Variants in PPP4R2 observed in about 807,000 individuals in gnomAD.
The protein encoded by PPP4R2 is protein phosphatase 4 regulatory subunit 2.
Under a neutral mutation model 47.2 loss-of-function variants are expected in PPP4R2, and 13 were observed. The observed-to-expected ratio is 0.28, with a 90% CI of 0.18 to 0.44. The LOEUF (loss-of-function observed/expected upper bound fraction) is 0.44. Ranked by LOEUF, PPP4R2 falls within the 20% of genes least tolerant of loss-of-function variation. The probability of loss-of-function intolerance (pLI) is 1.00; values close to 1 mark genes in which losing one functional copy is unlikely to be tolerated. For synonymous variants in PPP4R2, 151 were observed against 163.3 expected (o/e 0.92, Z 0.57); for missense variants, 421 against 491.2 (o/e 0.86, Z 1.35).
chr3:73,006,458 G>A (rs1471897095), intron 2 of PPP4R2, among the ~76,000 whole-genome samples: 1 of 152,052 alleles, frequency 6.6e-6, no homozygotes, highest in African/African-American at 2.4e-5. Flanking sequence ...CCAAAGTGCT[G>A]GGATTACAGG....
At chr3:73,023,091 A>G (rs6780186) in intron 2 of PPP4R2, among the ~76,000 whole-genome samples, 79,276 of 151,874 alleles carry the variant, frequency 0.52, 21,007 homozygotes, top group South Asian at 0.6. Flanking sequence ...GTGACTGTTT[A>G]AGAGATTTTG....
intron 3 of PPP4R2, among the ~76,000 whole-genome samples, chr3:73,050,013 T>C (rs549796236): frequency 6.6e-6 from 1 of 152,320 alleles, no homozygotes; most frequent in African/African-American, 2.4e-5. Context: ...CCATCTGGGC[T>C]CACTGCAACT....
At chr3:72,997,176 G>T (rs903110551) in intron 1 of PPP4R2, 105 bp downstream of exon 1, 12 of 922,274 alleles carry the variant, frequency 1.3e-5, no homozygotes, top group Non-Finnish European at 1.8e-5. Flanking sequence ...CGCGGCGTGG[G>T]GAGAGTGCTT....
At chr3:73,022,049 A>G (rs1006287090) in intron 2 of PPP4R2, among the ~76,000 whole-genome samples, 2 of 151,870 alleles carry the variant, frequency 1.3e-5, no homozygotes, top group Admixed American at 1.3e-4. Flanking sequence ...GGTGCCTGCC[A>G]CCACTTCTGG....
chr3:73,007,760 A>T (rs1260959042), intron 2 of PPP4R2, among the ~76,000 whole-genome samples: 2 of 152,218 alleles, frequency 1.3e-5, no homozygotes, highest in Non-Finnish European at 2.9e-5. Context: ...AAGTGCTGGG[A>T]TAACAGGTGT....
intron 2 of PPP4R2, among the ~76,000 whole-genome samples, chr3:73,002,396 T>C (rs1012660985): frequency 5.9e-5 from 9 of 151,954 alleles, no homozygotes; most frequent in African/African-American, 1.9e-4. Context: ...GACTTACAGA[T>C]AGGGTACATG....
intron 2 of PPP4R2, among the ~76,000 whole-genome samples, chr3:73,043,804 T>C (rs1702428097): frequency 2.0e-5 from 3 of 152,226 alleles, no homozygotes; most frequent in Admixed American, 1.3e-4. Context: ...GTGTACAATT[T>C]ATTGCCAGTA....
chr3:73,057,775 C>T (rs774238385), intron 3 of PPP4R2, among the ~76,000 whole-genome samples: 2 of 152,004 alleles, frequency 1.3e-5, no homozygotes, highest in South Asian at 4.1e-4. Context: ...ACGTGTGGTA[C>T]AATGGAAAGG....
intron 2 of PPP4R2, among the ~76,000 whole-genome samples, chr3:73,005,094 C>G (rs1701577338): frequency 6.6e-6 from 1 of 152,096 alleles, no homozygotes; most frequent in South Asian, 2.1e-4. Flanking sequence ...AGGTGCCCAC[C>G]ACTATGCCTG....
rs1255048579 is a variant in PPP4R2 at position 73,064,937 on chromosome 3, G to C, written c.724G>C (p.Gly242Arg). 4 of 1,613,832 alleles carry C rather than the reference G, an allele frequency of 2.5e-6. No homozygotes were observed. Among genetic ancestry groups the C allele is most frequent in the Non-Finnish European group, 3.4e-6 (4 of 1,179,798 alleles). ...HPDEDAVEAE[G>R]HEVKRLRFDK... ...AGATGAAGATGCTGTGGAAGCTGAG[G>C]GGCATGAGGTAAAAAGACTCAGGTT... The change falls in exon 8 of 9, where the codon GGG becomes CGG. Residue 242 changes from glycine to arginine, a missense_variant. Gly to Arg is a moderately radical substitution (Grantham distance 125). Coordinates refer to ENST00000356692, the MANE Select transcript of PPP4R2 (RefSeq NM_174907.4).
intron 3 of PPP4R2, 132 bp from the exon 4 acceptor site, chr3:73,058,905 C>T: frequency 8.5e-6 from 4 of 467,926 alleles, no homozygotes; most frequent in Non-Finnish European, 1.1e-5. Context: ...CATTTATTTC[C>T]CTATTATAGC....
Position 72,998,021 on chromosome 3 carries a change from G to GT in PPP4R2, c.35-51dup, listed in dbSNP as rs1262206523. Reference sequence around the variant, plus strand: ...AGGTAAAGGACTAGGAGGAAAGTTTGTTTTTAGAGCGCTTTTGAGAAAACT... The same window carrying GT: ...AGGTAAAGGACTAGGAGGAAAGTTTGTTTTTTAGAGCGCTTTTGAGAAAACT... On this transcript the variant is annotated intron_variant, in intron 1 of 8. Coordinates refer to ENST00000356692, the MANE Select transcript of PPP4R2 (RefSeq NM_174907.4). The GT allele has an allele frequency of 5.5e-6, 7 of 1,280,320 alleles. No individual in the cohort carries two copies. The Admixed American group carries it at 9.3e-5, about 17-fold the overall frequency. The allele number at this position is 1,280,320 out of a possible 1,614,324, so 79.3% of individuals were successfully genotyped here.
chr3:73,004,958 TGTGTGTGTGTGTGTGTGTG>T (rs1701572132), intron 2 of PPP4R2, among the ~76,000 whole-genome samples: 1 of 145,434 alleles, frequency 6.9e-6, no homozygotes, highest in African/African-American at 2.6e-5. Flanking sequence ...TGTGTGTGTG[TGTGTGTGTGTGTGTGTGTG>T]TGTGTGTGTG....
chr3:73,048,112 T>G (rs1432960423), intron 3 of PPP4R2, among the ~76,000 whole-genome samples: 1 of 152,196 alleles, frequency 6.6e-6, no homozygotes, highest in African/African-American at 2.4e-5. Context: ...CCTGACCTCA[T>G]GATCCGCCTG....
At chr3:73,020,885 C>G (rs994687684) in intron 2 of PPP4R2, among the ~76,000 whole-genome samples, 1 of 151,770 alleles carries the variant, frequency 6.6e-6, no homozygotes, top group Non-Finnish European at 1.5e-5. Flanking sequence ...TCTCAGGTGT[C>G]TTCTTATAAG....
chr3:73,035,718 G>T (rs1304297267), intron 2 of PPP4R2, among the ~76,000 whole-genome samples: 1 of 151,982 alleles, frequency 6.6e-6, no homozygotes, highest in East Asian at 1.9e-4. Context: ...TCTGCCTCCT[G>T]AGTTCAAGTG....
chr3:73,016,729 G>C (rs1036041040), intron 2 of PPP4R2, among the ~76,000 whole-genome samples: 1 of 69,828 alleles, frequency 1.4e-5, no homozygotes, highest in African/African-American at 6.8e-5. Context: ...TTGGTTCATT[G>C]TTTATTTTTA....
chr3:73,036,885 TTTTG>T (rs1702272739), intron 2 of PPP4R2, among the ~76,000 whole-genome samples: 1 of 152,228 alleles, frequency 6.6e-6, no homozygotes, highest in Non-Finnish European at 1.5e-5. Context: ...GTTAAGATAC[TTTTG>T]TTTTACTGTC....
At chr3:73,043,944 CTA>C (rs1702432044) in intron 2 of PPP4R2, among the ~76,000 whole-genome samples, 2 of 152,216 alleles carry the variant, frequency 1.3e-5, no homozygotes, top group South Asian at 4.1e-4. Flanking sequence ...CCAGACGACT[CTA>C]AATTGACTAT....
Sources: allele counts gnomAD v4.1 joint callset (sites outside exome capture counted in the v4.1 genomes callset), GRCh38; gene constraint gnomAD v4.1.1; transcripts MANE v1.5; gene names NCBI Gene and HGNC (gene_info 2026-07-23, HGNC 2026-07-21).